Variants in ARHGEF1 observed in about 807,000 individuals in gnomAD.
The protein encoded by ARHGEF1 is Rho guanine nucleotide exchange factor 1.
In ARHGEF1, 40 loss-of-function variants were observed where a neutral mutation model predicts 119.7. That is an observed-to-expected ratio of 0.33 (90% CI 0.26 to 0.44). The LOEUF (loss-of-function observed/expected upper bound fraction) is 0.44. ARHGEF1 is among the 20% of genes least tolerant of loss of function. ARHGEF1 has a pLI of 1.00. For missense variants in ARHGEF1, 976 were observed against 1,268.3 expected (o/e 0.77, Z 3.50); for synonymous variants, 494 against 521.0 (o/e 0.95, Z 0.71).
At chr19:41,912,857 G>T in intron 18 of ARHGEF1, 1 of 1,224,106 alleles carries the variant, frequency 8.2e-7, no homozygotes, top group Non-Finnish European at 1.0e-6. Context: ...AGTTACCGGG[G>T]GTCCAGAGAG....
chr19:41,894,696 G>T, intron 11 of ARHGEF1, 35 bp downstream of exon 11: 1 of 1,612,298 alleles, frequency 6.2e-7, no homozygotes, highest in Non-Finnish European at 8.5e-7. Flanking sequence ...CCATACTGGG[G>T]GCCTGTGTGG....
chr19:41,896,923 TTCCTCTCTCACCTCCCCCC>T (rs1212331064), intron 13 of ARHGEF1: 14 of 252,056 alleles, frequency 5.6e-5, no homozygotes, highest in East Asian at 2.5e-4. Flanking sequence ...CACCTCCCTC[TTCCTCTCTCACCTCCCCCC>T]TCCTCTCTCA....
chr19:41,915,239 GT>G (rs1190890011), intron 18 of ARHGEF1, among the ~76,000 whole-genome samples: 1 of 147,738 alleles, frequency 6.8e-6, no homozygotes, highest in Non-Finnish European at 1.5e-5. Context: ...ACGAGGAGCC[GT>G]GGGATCGGCG....
At chr19:41,918,404 T>C (rs1157123655), upstream of ARHGEF1, among the ~76,000 whole-genome samples, 1 of 126,168 alleles carries the variant, frequency 7.9e-6, no homozygotes. Flanking sequence ...ACATACCATA[T>C]CACACACACC....
chr19:41,895,553 C>T (rs2074470232), intron 12 of ARHGEF1, 67 bp downstream of exon 12: 3 of 1,503,152 alleles, frequency 2.0e-6, no homozygotes, highest in African/African-American at 1.4e-5. Context: ...TGCCTGCCCC[C>T]TTGGCACCCC....
In ARHGEF1 at chr19:41,907,277, C is replaced by G. The variant is rs868939256; in HGVS notation, c.*190C>G. The G allele has an allele frequency of 6.5e-7, 1 of 1,530,308 alleles. No individual in the cohort carries two copies. 94.8% of individuals were successfully genotyped at this position (1,530,308 alleles called of 1,614,324 possible). A position where few individuals can be genotyped will look rare whatever the true frequency, so the allele number is the denominator to read the frequency against. ...CCGCATGAGCCTCGGCCATCTCTCC[C>G]TCCTGCCCTCTGCTTGGGGGACTCA... On this transcript the variant is annotated 3_prime_UTR_variant, in exon 29 of 29. Transcript: ENST00000354532.
Position 41,905,475 on chromosome 19 carries a change from T to C in ARHGEF1, c.2336+214T>C. The C allele has an allele frequency of 1.6e-6, 1 of 613,744 alleles. No individual in the cohort carries two copies. The highest frequency in any genetic ancestry group is 2.0e-5 in the South Asian group (1 of 51,010). The allele number at this position is 613,744 out of a possible 1,614,324, so 38.0% of individuals were successfully genotyped here. On this transcript the variant is annotated intron_variant, in intron 24 of 28. Transcript: ENST00000354532. This position sits in a 1 kb window ranked among gnomAD's most constrained non-coding sequence, Gnocchi z 6.4. The stretch of plus-strand genomic sequence containing the variant: ...ATGTGTGCGTGTGCATGTGTGTGCG[T>C]GTATGGTGTGTGTGTATGCATATGT...
chr19:41,908,280 C>A (rs1555850875), downstream of ARHGEF1: 9 of 1,231,460 alleles, frequency 7.3e-6, no homozygotes, highest in South Asian at 2.9e-4. The surrounding 1 kb of genome is among the most constrained non-coding windows in gnomAD (Gnocchi z 6.7). Flanking sequence ...TGCCGGGAGA[C>A]CCTCATCGCC....
At chr19:41,927,052 T>TA (rs2074875960) in intron 1 of ARHGEF1, among the ~76,000 whole-genome samples, 1 of 151,272 alleles carries the variant, frequency 6.6e-6, no homozygotes, top group Admixed American at 6.6e-5. Flanking sequence ...TAGAGAGAGA[T>TA]AGTCTTAAGA....
rs1225831262 is a variant in ARHGEF1, at chr19:41,898,468, C to T, written c.1148C>T (p.Pro383Leu). The T allele has an allele frequency of 5.2e-6, 8 of 1,547,506 alleles. No homozygotes were observed. Among genetic ancestry groups the T allele is most frequent in the Middle Eastern group, 1.7e-4 (1 of 5,950 alleles). ...CCCGAGCCTGGAGATGAGGGGGAGC[C>T]GGGGCGGTCGGGACTGGAGCTTGAA... ...ESPEPGDEGE[P>L]GRSGLELEPE... The change falls in exon 14 of 29, where the codon CCG (proline) becomes CTG (leucine). Residue 383 changes from proline to leucine, a missense_variant. Coordinates refer to ENST00000354532, the MANE Select transcript of ARHGEF1 (RefSeq NM_004706.4).
chr19:41,920,294 C>T (rs561574525), upstream of ARHGEF1, among the ~76,000 whole-genome samples: 87 of 135,658 alleles, frequency 6.4e-4, no homozygotes, highest in African/African-American at 2.2e-3. Flanking sequence ...CGCTCACAGA[C>T]ATGCGCTCAC....
chr19:41,906,420 TG>T lies in ARHGEF1; in HGVS notation c.2492-35del. On this transcript the variant is annotated intron_variant, in intron 26 of 28. Transcript: ENST00000354532. The surrounding 1 kb of genome is among the most constrained non-coding windows in gnomAD (Gnocchi z 4.5). ...CATCCCAGATCCCAGCCCAGCCCCCTGGTCTCCTGACTCCACCCCTCCTTGC... is the reference window on the plus strand; with the variant it reads ...CATCCCAGATCCCAGCCCAGCCCCCTGTCTCCTGACTCCACCCCTCCTTGC... The T allele has an allele frequency of 6.6e-7, 1 of 1,522,074 alleles. No homozygotes were observed. The allele number at this position is 1,522,074 out of a possible 1,614,324, so 94.3% of individuals were successfully genotyped here.
rs1323082819 is a variant in ARHGEF1 at position 41,907,303 on chromosome 19, G to A, written c.*216G>A. On this transcript the variant is annotated 3_prime_UTR_variant, in exon 29 of 29. Coordinates refer to ENST00000354532, the MANE Select transcript of ARHGEF1 (RefSeq NM_004706.4). Reference sequence around the variant, plus strand: ...TCCTGCCCTCTGCTTGGGGGACTCAGGGCTCCATTCTGGAGGGCACCACGG... The same window carrying A: ...TCCTGCCCTCTGCTTGGGGGACTCAAGGCTCCATTCTGGAGGGCACCACGG... 6.5e-6 allele frequency: 10 copies of A among 1,532,760 alleles called. No individual in the cohort carries two copies. In the East Asian group the frequency reaches 2.2e-4, roughly 34 times the overall value. 94.9% of individuals were successfully genotyped at this position (1,532,760 alleles called of 1,614,324 possible).
chr19:41,906,032 C>T lies in ARHGEF1; in HGVS notation c.2491+7C>T. On this transcript the variant is annotated splice_region_variant and intron_variant, in intron 26 of 28. Transcript: ENST00000354532. This position sits in a 1 kb window ranked among gnomAD's most constrained non-coding sequence, Gnocchi z 4.5. Reference sequence around the variant, plus strand: ...GCCACGGCCCTTCGGAAAGGTAGCCCAGCTCTGCCCCTCCAGGGTGGCCAC... The same window carrying T: ...GCCACGGCCCTTCGGAAAGGTAGCCTAGCTCTGCCCCTCCAGGGTGGCCAC... The T allele has an allele frequency of 1.2e-6, 2 of 1,613,410 alleles. No homozygotes were observed. The highest frequency in any genetic ancestry group is 2.2e-5 in the South Asian group (2 of 91,068).
At chr19:41,907,506 G>C, downstream of ARHGEF1, 2 of 1,174,714 alleles carry the variant, frequency 1.7e-6, no homozygotes, top group African/African-American at 1.6e-5. Flanking sequence ...GGAACTCTCT[G>C]TGACTGTCTG....
Position 41,905,666 on chromosome 19 carries a change from C to A in ARHGEF1, c.2337-94C>A. 1 of 1,348,094 alleles carries A rather than the reference C, an allele frequency of 7.4e-7. No homozygotes were observed. The highest frequency in any genetic ancestry group is 1.0e-6 in the Non-Finnish European group (1 of 958,152). The allele number at this position is 1,348,094 out of a possible 1,614,324, so 83.5% of individuals were successfully genotyped here. On this transcript the variant is annotated intron_variant, in intron 24 of 28. Coordinates refer to ENST00000354532, the MANE Select transcript of ARHGEF1 (RefSeq NM_004706.4). The surrounding 1 kb of genome is among the most constrained non-coding windows in gnomAD (Gnocchi z 6.4). ...TCGACCTCTGTCTCTGTCTCCGGAC[C>A]TCCCTGCCTCCCCACCTCCAGCTCT...
Position 41,906,794 on chromosome 19 carries a change from G to A in ARHGEF1, c.*8G>A, listed in dbSNP as rs369026490. On this transcript the variant is annotated 3_prime_UTR_variant, in exon 28 of 29. Coordinates refer to ENST00000354532, the MANE Select transcript of ARHGEF1 (RefSeq NM_004706.4). This position sits in a 1 kb window ranked among gnomAD's most constrained non-coding sequence, Gnocchi z 4.5. ...CAGCCTGGCTGCACTTGAGGTTCCC[G>A]CCCAGGAAGGTGAGTGGGGCACCTG... The A allele has an allele frequency of 1.0e-4, 163 of 1,606,970 alleles. No individual in the cohort carries two copies. The highest frequency in any genetic ancestry group is 3.7e-4 in the South Asian group (33 of 90,360).
chr19:41,925,174 C>T (rs1000568600), intron 1 of ARHGEF1, among the ~76,000 whole-genome samples: 1 of 151,984 alleles, frequency 6.6e-6, no homozygotes, highest in African/African-American at 2.4e-5. Context: ...GTCGAAGCCT[C>T]GGTATCTGTT....
Position 41,902,652 on chromosome 19 carries a change from C to G in ARHGEF1, c.1617C>G (p.Phe539Leu). ...GCAAGGACCCTCGGTTCTGTGCCTT[C>G]GTGCAGGTGAGGTGGGGTCTGGACT... ...KQRKDPRFCA[F>L]VQEAESRPRC... The change falls in exon 17 of 29, where the codon TTC (phenylalanine) becomes TTG (leucine). Residue 539 changes from phenylalanine (F) to leucine (L), a missense_variant. By Grantham distance (22) the Phe-to-Leu change is conservative. This residue lies in a region of ARHGEF1 where 286 missense variants were observed against 506.8 expected (regional missense o/e 0.56). Coordinates refer to ENST00000354532, the MANE Select transcript of ARHGEF1 (RefSeq NM_004706.4). The surrounding 1 kb of genome is among the most constrained non-coding windows in gnomAD (Gnocchi z 6.5). 6.2e-7 allele frequency: 1 copy of G among 1,614,222 alleles called. No homozygotes were observed. Among genetic ancestry groups the G allele is most frequent in the Non-Finnish European group, 8.5e-7 (1 of 1,180,026 alleles).
Sources: allele counts gnomAD v4.1 joint callset (sites outside exome capture counted in the v4.1 genomes callset), GRCh38; gene constraint gnomAD v4.1.1; regional missense constraint gnomAD v4.1.1; non-coding constraint Gnocchi (gnomAD v3.1); transcripts MANE v1.5; gene names NCBI Gene and HGNC (gene_info 2026-07-23, HGNC 2026-07-21).